PLEKHA6: variants seen among roughly 807,000 people sequenced by gnomAD.
PLEKHA6 encodes pleckstrin homology domain-containing family A member 6.
In PLEKHA6, 60 loss-of-function variants were observed where a neutral mutation model predicts 116.7. The ratio of observed to expected loss-of-function variants is 0.51; its 90% confidence interval spans 0.42 to 0.64. PLEKHA6 has a LOEUF of 0.64. Ranked by LOEUF, PLEKHA6 falls within the 30% of genes least tolerant of loss-of-function variation. PLEKHA6 has a pLI of 0.00. For synonymous variants in PLEKHA6, 489 were observed against 556.1 expected (o/e 0.88, Z 1.70); for missense variants, 1,338 against 1,422.7 (o/e 0.94, Z 0.96).
At chr1:204,264,458 T>C (rs1163802388) in intron 6 of PLEKHA6, among the ~76,000 whole-genome samples, 1 of 152,150 alleles carries the variant, frequency 6.6e-6, no homozygotes, top group Non-Finnish European at 1.5e-5. Flanking sequence ...TCGTTAAAGA[T>C]TGAAATTTGA....
intron 1 of PLEKHA6, chr1:204,313,533 T>C: frequency 1.0e-6 from 1 of 980,912 alleles, no homozygotes; most frequent in Non-Finnish European, 1.2e-6. Context: ...GATGTTACTA[T>C]TGAAGAAAGA....
chr1:204,321,983 A>C (rs558148134), intron 1 of PLEKHA6, among the ~76,000 whole-genome samples: 1 of 152,338 alleles, frequency 6.6e-6, no homozygotes, highest in South Asian at 2.1e-4. Flanking sequence ...GGAGACTAAA[A>C]AATATTGAGA....
intron 1 of PLEKHA6, among the ~76,000 whole-genome samples, chr1:204,286,444 A>G (rs1333036124): frequency 6.6e-6 from 1 of 152,090 alleles, no homozygotes; most frequent in African/African-American, 2.4e-5. Context: ...AGGAAAGGGA[A>G]AGGGATGCAG....
At position 204,251,507 on chromosome 1, in the gene PLEKHA6, C is replaced by T. The variant is rs563799357; in HGVS notation, c.1525-893G>A. ...CAGCTGAAATGGCATTGGCAGGGACCATGCTGCCAGGCAGAGGTCTTACTT... is the reference window on the plus strand; with the variant it reads ...CAGCTGAAATGGCATTGGCAGGGACTATGCTGCCAGGCAGAGGTCTTACTT... On this transcript the variant is annotated intron_variant, in intron 9 of 22. Transcript: ENST00000272203. The T allele has an allele frequency of 1.6e-5, 11 of 702,142 alleles. No individual in the cohort carries two copies. In the African/African-American group the frequency reaches 1.7e-4, roughly 11 times the overall value. 43.5% of individuals were successfully genotyped at this position (702,142 alleles called of 1,614,324 possible). A position where few individuals can be genotyped will look rare whatever the true frequency, so the allele number is the denominator to read the frequency against.
Position 204,219,929 on chromosome 1 carries a change from T to C in PLEKHA6, c.*2859A>G, listed in dbSNP as rs1659473951. On this transcript the variant is annotated 3_prime_UTR_variant, in exon 23 of 23. Transcript: ENST00000272203. ...TCACAGTCTGGATACCAGACTGAGG[T>C]ACCATGCCTTTGGTACAGCCCCCAG... 6.6e-6 allele frequency: 1 copy of C among 152,070 alleles called. No homozygotes were observed. The highest frequency in any genetic ancestry group is 1.5e-5 in the Non-Finnish European group (1 of 68,020). The allele number at this position is 152,070 out of a possible 1,614,324, so 9.4% of individuals were successfully genotyped here. A position where few individuals can be genotyped will look rare whatever the true frequency, so the allele number is the denominator to read the frequency against.
At chr1:204,354,050 T>G (rs1375473351) in intron 1 of PLEKHA6, among the ~76,000 whole-genome samples, 1 of 152,224 alleles carries the variant, frequency 6.6e-6, no homozygotes, top group Admixed American at 6.5e-5. Flanking sequence ...TTTAAGAGGC[T>G]AATTGCAAGA....
intron 1 of PLEKHA6, among the ~76,000 whole-genome samples, chr1:204,374,361 G>C (rs1673829408): frequency 6.6e-6 from 1 of 152,102 alleles, no homozygotes. Context: ...AGCCTTTCCG[G>C]CTAACCTCAG....
rs1659372334 is a variant in PLEKHA6, at chr1:204,219,021, G to C, written c.*3767C>G. ...GGCCATCCCTCCTCCTGGGGAGGGG[G>C]CTCATTGGCTAGAAAGATGCTAAGG... On this transcript the variant is annotated 3_prime_UTR_variant, in exon 23 of 23. Transcript: ENST00000272203. 1 of 152,530 alleles carries C rather than the reference G, an allele frequency of 6.6e-6. No individual in the cohort carries two copies. The highest frequency in any genetic ancestry group is 2.4e-5 in the African/African-American group (1 of 41,420). 9.4% of individuals were successfully genotyped at this position (152,530 alleles called of 1,614,324 possible).
At chr1:204,366,391 A>G (rs1673647192) in intron 3 of PLEKHA6, among the ~76,000 whole-genome samples, 1 of 152,120 alleles carries the variant, frequency 6.6e-6, no homozygotes, top group Non-Finnish European at 1.5e-5. Context: ...AAAGAGGAGG[A>G]GGAGAAGGAG....
chr1:204,337,410 C>T (rs1427774562), intron 1 of PLEKHA6, among the ~76,000 whole-genome samples: 1 of 152,218 alleles, frequency 6.6e-6, no homozygotes, highest in African/African-American at 2.4e-5. Flanking sequence ...AGCCTACATC[C>T]TAACTCACCC....
At position 204,266,110 on chromosome 1, in the gene PLEKHA6, C is replaced by T. The variant is rs1265654583; in HGVS notation, c.281-1068G>A. On this transcript the variant is annotated intron_variant, in intron 5 of 22. Transcript: ENST00000272203. ...AAACTCCTTAAGCCCTGCTTCTCCT[C>T]CTACTCATCACATCTACACGATACT... Among the ~76,000 whole-genome samples the T allele has an allele frequency of 2.6e-5, 4 of 152,018 alleles. No individual in the cohort carries two copies. The South Asian group carries it at 6.2e-4, about 24-fold the overall frequency.
chr1:204,246,875 C>G (rs947756881), intron 13 of PLEKHA6, among the ~76,000 whole-genome samples: 3 of 152,208 alleles, frequency 2.0e-5, no homozygotes, highest in African/African-American at 7.2e-5. Context: ...GTGGCTCATG[C>G]CTGTAATCCC....
intron 1 of PLEKHA6, among the ~76,000 whole-genome samples, chr1:204,374,040 C>T (rs1246070264): frequency 3.3e-5 from 5 of 152,124 alleles, no homozygotes; most frequent in Admixed American, 2.6e-4. Context: ...ACACTGTCCG[C>T]CCCCTCAGAT....
chr1:204,338,545 T>C (rs188620070), intron 1 of PLEKHA6, among the ~76,000 whole-genome samples: 133 of 152,068 alleles, frequency 8.7e-4, no homozygotes, highest in Admixed American at 2.8e-3. Flanking sequence ...GTCTTTAGGG[T>C]GGGGTGTTGA....
intron 1 of PLEKHA6, among the ~76,000 whole-genome samples, chr1:204,278,790 C>A (rs12735365): frequency 0.17 from 26,107 of 152,104 alleles, 2,416 homozygotes; most frequent in East Asian, 0.29. Flanking sequence ...GTTTCTTGGG[C>A]CCTCTCCTGA....
At chr1:204,239,741 T>C (rs1203301700) in intron 17 of PLEKHA6, among the ~76,000 whole-genome samples, 2 of 152,186 alleles carry the variant, frequency 1.3e-5, no homozygotes, top group African/African-American at 4.8e-5. Flanking sequence ...GACAATACTT[T>C]GCAGGGCTGG....
rs768786517 is a variant in PLEKHA6, at chr1:204,244,858, A to G, written c.2172+6T>C. ...CACCTACCTTCTACTCCATTTCTCAACTTACCTCGTTGGAGCCAGGCTTGG... is the reference window on the plus strand; with the variant it reads ...CACCTACCTTCTACTCCATTTCTCAGCTTACCTCGTTGGAGCCAGGCTTGG... On this transcript the variant is annotated splice_donor_region_variant and intron_variant, in intron 15 of 22. Coordinates refer to ENST00000272203, the MANE Select transcript of PLEKHA6 (RefSeq NM_014935.5). 4.5e-6 allele frequency: 7 copies of G among 1,564,274 alleles called. 1 individual carries two copies. The South Asian group carries it at 5.9e-5, about 13-fold the overall frequency.
In PLEKHA6 at chr1:204,247,478, G is replaced by A. The variant is rs200986216; in HGVS notation, c.1825-18C>T. The A allele has an allele frequency of 3.7e-4, 563 of 1,535,710 alleles. 4 individuals carry two copies. Among genetic ancestry groups the A allele is most frequent in the South Asian group, 5.9e-4 (53 of 89,460 alleles). On this transcript the variant is annotated intron_variant, in intron 12 of 22. Transcript: ENST00000272203. ...GTCAGGGCCTACGGGGGAAAGAGGC[G>A]TTCACTGAGAAAGCCGCCATCACCA...
At chr1:204,306,816 G>A (rs1410174742) in intron 1 of PLEKHA6, among the ~76,000 whole-genome samples, 2 of 152,008 alleles carry the variant, frequency 1.3e-5, no homozygotes, top group East Asian at 1.9e-4. Flanking sequence ...ACCTGTACAT[G>A]TACACCATCC....
Sources: allele counts gnomAD v4.1 joint callset (sites outside exome capture counted in the v4.1 genomes callset), GRCh38; gene constraint gnomAD v4.1.1; transcripts MANE v1.5; gene names NCBI Gene and HGNC (gene_info 2026-07-23, HGNC 2026-07-21).